The following ABLIM2 variants were observed in gnomAD, a reference collection of about 807,000 sequenced individuals.
ABLIM2 encodes the protein actin binding LIM protein family member 2, also known as actin-binding LIM protein 2.
ABLIM2 carries 53 observed loss-of-function variants against 97.7 expected under a neutral mutation model. The observed-to-expected ratio is 0.54, with a 90% CI of 0.44 to 0.68. The LOEUF (loss-of-function observed/expected upper bound fraction) is 0.68, where lower values mean the gene tolerates loss of function less well. Among genes scored for constraint, ABLIM2 ranks in the 30% least tolerant of loss-of-function variants. ABLIM2 has a pLI of 0.00. For missense variants in ABLIM2, 835 were observed against 867.2 expected, an observed-to-expected ratio of 0.96 and a Z score of 0.47; for synonymous variants, 361 against 345.8, an observed-to-expected ratio of 1.04 and a Z score of -0.49.
chr4:8,062,220 T>C (rs191815291), intron 6 of ABLIM2, among the ~76,000 whole-genome samples: 8 of 152,264 alleles, frequency 5.3e-5, no homozygotes, highest in Admixed American at 2.6e-4. Context: ...CACAGCCCCA[T>C]TTCCACACTG....
intron 18 of ABLIM2, 122 bp from the exon 19 acceptor site, chr4:7,983,676 C>T: frequency 2.4e-6 from 3 of 1,233,378 alleles, no homozygotes; most frequent in Non-Finnish European, 3.5e-6. Flanking sequence ...CTGGGCCATG[C>T]ATGGTCCCCG....
chr4:8,018,082 A>C (rs937948974), intron 14 of ABLIM2, among the ~76,000 whole-genome samples: 9 of 152,146 alleles, frequency 5.9e-5, no homozygotes, highest in Non-Finnish European at 1.3e-4. Flanking sequence ...CTGAGGTCGA[A>C]ACTCTTTGTC....
At chr4:8,108,483 G>T (rs1184961988) in intron 1 of ABLIM2, among the ~76,000 whole-genome samples, 1 of 152,254 alleles carries the variant, frequency 6.6e-6, no homozygotes, top group African/African-American at 2.4e-5. Context: ...GAAGCCAGCT[G>T]CATGGCAGAC....
At position 8,119,324 on chromosome 4, in the gene ABLIM2, C is replaced by CTTTT. The variant is rs71175466; in HGVS notation, c.11-12691_11-12688dup. 2.0e-3 allele frequency among the ~76,000 whole-genome samples: 217 copies of CTTTT among 108,070 alleles called. 2 individuals carry two copies. Among genetic ancestry groups the CTTTT allele is most frequent in the African/African-American group, 5.2e-3 (153 of 29,160 alleles). 70.9% of individuals were successfully genotyped at this position (108,070 alleles called of 152,430 possible). A position where few individuals can be genotyped will look rare whatever the true frequency, so the allele number is the denominator to read the frequency against. On this transcript the variant is annotated intron_variant, in intron 1 of 20. Coordinates refer to ENST00000447017, the MANE Select transcript of ABLIM2 (RefSeq NM_001130083.2). ...TGTGGCACAGGTCTCGGGCTTCCTT[C>CTTTT]TTTTTTTTTTTTTTTTTTTTTGAGA...
At chr4:7,972,570 T>C (rs1728995764) in intron 20 of ABLIM2, among the ~76,000 whole-genome samples, 1 of 152,214 alleles carries the variant, frequency 6.6e-6, no homozygotes, top group Admixed American at 6.5e-5. Flanking sequence ...GTCTGCATTG[T>C]GAATCTGAAT....
Position 8,044,431 on chromosome 4 carries a change from A to T in ABLIM2, c.900+733T>A, listed in dbSNP as rs1442050222. On this transcript the variant is annotated intron_variant, in intron 9 of 20. Transcript: ENST00000447017. The surrounding 1 kb of genome is among the most constrained non-coding windows in gnomAD (Gnocchi z 4.4). ...GCAATATTAGCAAACATTAAATACA[A>T]TATTAAATATTAAATTTACATATAC... Among the ~76,000 whole-genome samples the T allele has an allele frequency of 1.3e-5, 2 of 152,034 alleles. No homozygotes were observed. The highest frequency in any genetic ancestry group is 3.9e-4 in the East Asian group (2 of 5,188).
rs796141998 is a variant in ABLIM2, at chr4:8,023,618, C to T, written c.1268-3315G>A. 5.9e-5 allele frequency among the ~76,000 whole-genome samples: 9 copies of T among 152,310 alleles called. No homozygotes were observed. The highest frequency in any genetic ancestry group is 1.7e-4 in the African/African-American group (7 of 41,570). ...GCTCCTTCTCTCCCCTCCCACATGG[C>T]GCTCTCGGGAAGGAGCCACTCTGTG... is the stretch of plus-strand genomic sequence containing the variant. On this transcript the variant is annotated intron_variant, in intron 12 of 20. Transcript: ENST00000447017. The surrounding 1 kb of genome is among the most constrained non-coding windows in gnomAD (Gnocchi z 5.7).
chr4:7,975,322 T>G (rs1732089543), intron 20 of ABLIM2, among the ~76,000 whole-genome samples: 1 of 152,238 alleles, frequency 6.6e-6, no homozygotes, highest in African/African-American at 2.4e-5. Context: ...TCTTATGAGC[T>G]CTGTGTGCTG....
chr4:8,115,522 C>T (rs1578166421), intron 1 of ABLIM2, among the ~76,000 whole-genome samples: 5 of 152,276 alleles, frequency 3.3e-5, no homozygotes, highest in South Asian at 2.1e-4. Flanking sequence ...CACTCTGACC[C>T]GCAACCACCT....
intron 1 of ABLIM2, among the ~76,000 whole-genome samples, chr4:8,135,555 GTCAT>G (rs1850066071): frequency 6.6e-6 from 1 of 152,250 alleles, no homozygotes; most frequent in Non-Finnish European, 1.5e-5. Context: ...GTGAGAAGAC[GTCAT>G]TGATGAACCA....
In ABLIM2 at chr4:8,054,359, C is replaced by G; in HGVS notation, c.764-113G>C. ...CCATGCACAGACGTGCACTCGGACT[C>G]CACCCTCCAAGCGGCCCTGAGCATC... On this transcript the variant is annotated intron_variant, in intron 7 of 20. Coordinates refer to ENST00000447017, the MANE Select transcript of ABLIM2 (RefSeq NM_001130083.2). This position sits in a 1 kb window ranked among gnomAD's most constrained non-coding sequence, Gnocchi z 4.9. The G allele has an allele frequency of 3.5e-6, 4 of 1,151,728 alleles. No individual in the cohort carries two copies. Among genetic ancestry groups the G allele is most frequent in the Non-Finnish European group, 5.1e-6 (4 of 786,468 alleles). 71.3% of individuals were successfully genotyped at this position (1,151,728 alleles called of 1,614,324 possible).
At position 8,037,214 on chromosome 4, in the gene ABLIM2, A is replaced by C. The variant is rs545130459; in HGVS notation, c.901-919T>G. Among the ~76,000 whole-genome samples the C allele has an allele frequency of 3.6e-4, 55 of 152,210 alleles. 1 individual carries two copies. In the Middle Eastern group the frequency reaches 0.01, roughly 28 times the overall value. On this transcript the variant is annotated intron_variant, in intron 9 of 20. Coordinates refer to ENST00000447017, the MANE Select transcript of ABLIM2 (RefSeq NM_001130083.2). Reference sequence around the variant, plus strand: ...ATATTTTCAATCTGAGGTTGGTTGAATCTGCAGATGTGGAATGCATGGATA... The same window carrying C: ...ATATTTTCAATCTGAGGTTGGTTGACTCTGCAGATGTGGAATGCATGGATA...
In ABLIM2 at chr4:8,043,788, T is replaced by G. The variant is rs1337520403; in HGVS notation, c.900+1376A>C. Among the ~76,000 whole-genome samples the G allele has an allele frequency of 6.6e-6, 1 of 152,196 alleles. No individual in the cohort carries two copies. Among genetic ancestry groups the G allele is most frequent in the Non-Finnish European group, 1.5e-5 (1 of 68,028 alleles). On this transcript the variant is annotated intron_variant, in intron 9 of 20. Coordinates refer to ENST00000447017, the MANE Select transcript of ABLIM2 (RefSeq NM_001130083.2). This position sits in a 1 kb window ranked among gnomAD's most constrained non-coding sequence, Gnocchi z 4.8. ...ACGGCAGCAAGCGTTTCCCACAGCC[T>G]TCTTCTGGGCAGGCGCTGTGCTCAC...
rs117015277 is a variant in ABLIM2, at chr4:8,088,336, G to C, written c.339-52C>G. The C allele has an allele frequency of 3.4e-4, 493 of 1,442,442 alleles. 6 individuals carry two copies. In the South Asian group the frequency reaches 5.6e-3, roughly 16 times the overall value. The allele number at this position is 1,442,442 out of a possible 1,614,324, so 89.4% of individuals were successfully genotyped here. ...CAGGCCCACCTTCTGGCTCCTCTCT[G>C]GGGGAGCCCTGTCCCAGTGCAGGAG... On this transcript the variant is annotated intron_variant, in intron 3 of 20. Coordinates refer to ENST00000447017, the MANE Select transcript of ABLIM2 (RefSeq NM_001130083.2).
chr4:8,142,245 T>A (rs866063027), intron 1 of ABLIM2, among the ~76,000 whole-genome samples: 1 of 152,184 alleles, frequency 6.6e-6, no homozygotes, highest in Non-Finnish European at 1.5e-5. Context: ...ACAGTCTCTA[T>A]GGCACTGACC....
intron 1 of ABLIM2, among the ~76,000 whole-genome samples, chr4:8,152,079 G>A (rs1490932974): frequency 1.3e-5 from 2 of 152,092 alleles, no homozygotes; most frequent in Non-Finnish European, 2.9e-5. Flanking sequence ...AACACACCAC[G>A]GCCCAGGCGA....
intron 1 of ABLIM2, among the ~76,000 whole-genome samples, chr4:8,121,546 G>A (rs763906651): frequency 2.6e-5 from 4 of 152,202 alleles, no homozygotes; most frequent in African/African-American, 4.8e-5. Context: ...CCCACACAGA[G>A]GCAGACAGGG....
chr4:8,059,078 C>T (rs1361066093), intron 7 of ABLIM2, among the ~76,000 whole-genome samples: 1 of 152,068 alleles, frequency 6.6e-6, no homozygotes, highest in Non-Finnish European at 1.5e-5. Context: ...GTCTTCCTTA[C>T]CGGTTTTAAT....
Position 8,044,211 on chromosome 4 carries a change from C to T in ABLIM2, c.900+953G>A, listed in dbSNP as rs190969224. Among the ~76,000 whole-genome samples, 334 of 152,254 alleles carry T rather than the reference C, an allele frequency of 2.2e-3. 2 individuals are homozygous for T. The highest frequency in any genetic ancestry group is 7.9e-3 in the African/African-American group (329 of 41,530). On this transcript the variant is annotated intron_variant, in intron 9 of 20. Coordinates refer to ENST00000447017, the MANE Select transcript of ABLIM2 (RefSeq NM_001130083.2). This position sits in a 1 kb window ranked among gnomAD's most constrained non-coding sequence, Gnocchi z 4.4. Reference sequence around the variant, plus strand: ...CAGCCTCCGCTGAGGCATGAAGAACCCAGGTCCTGGCCTGGCGGGGACGGG... The same window carrying T: ...CAGCCTCCGCTGAGGCATGAAGAACTCAGGTCCTGGCCTGGCGGGGACGGG...
Sources: gnomAD v4.1 joint callset for allele counts (sites outside exome capture counted in the v4.1 genomes callset) on GRCh38, gnomAD v4.1.1 for gene constraint, Gnocchi (gnomAD v3.1) non-coding constraint, MANE v1.5 for transcripts, NCBI Gene and HGNC (gene_info 2026-07-23, HGNC 2026-07-21) for gene names.